EPB41L5: variants seen among roughly 807,000 people sequenced by gnomAD.
EPB41L5 encodes band 4.1-like protein 5.
In EPB41L5, 55 loss-of-function variants were observed where a neutral mutation model predicts 106.6. The observed-to-expected ratio is 0.52, with a 90% confidence interval of 0.42 to 0.65. The LOEUF is 0.65. Among genes scored for constraint, EPB41L5 ranks in the 30% least tolerant of loss-of-function variants. The pLI, the probability that EPB41L5 is intolerant of heterozygous loss-of-function variation, is 0.00. For synonymous variants in EPB41L5, 297 were observed against 306.7 expected (o/e 0.97, Z 0.33); for missense variants, 871 against 882.1 (o/e 0.99, Z 0.16).
intron 1 of EPB41L5, 143 bp from the exon 2 acceptor site, chr2:120,018,934 C>T (rs1677731142): frequency 1.4e-6 from 1 of 705,068 alleles, no homozygotes; most frequent in South Asian, 1.9e-5. Flanking sequence ...GCGTGAGTCA[C>T]TGCACCCAGC....
In EPB41L5 at chr2:120,090,209, T is replaced by C. The variant is rs988708500; in HGVS notation, c.874-138T>C. 3.6e-5 allele frequency: 21 copies of C among 577,144 alleles called. No homozygotes were observed. The African/African-American group carries it at 4.1e-4, about 11-fold the overall frequency. The allele number at this position is 577,144 out of a possible 1,614,324, so 35.8% of individuals were successfully genotyped here. A position where few individuals can be genotyped will look rare whatever the true frequency, so the allele number is the denominator to read the frequency against. On this transcript the variant is annotated intron_variant, in intron 11 of 24. Transcript: ENST00000263713. Reference sequence around the variant, plus strand: ...CTTGATTTCAGCTCTGCCCTTATTATGTTGATACTATAAAGAGTGTCTGAA... The same window carrying C: ...CTTGATTTCAGCTCTGCCCTTATTACGTTGATACTATAAAGAGTGTCTGAA...
chr2:120,168,431 A>G (rs1315846951), intron 24 of EPB41L5, among the ~76,000 whole-genome samples: 2 of 152,180 alleles, frequency 1.3e-5, no homozygotes, highest in African/African-American at 4.8e-5. Flanking sequence ...GCCTTTACCA[A>G]TACATGTTGT....
intron 2 of EPB41L5, among the ~76,000 whole-genome samples, chr2:120,027,291 A>G (rs1431235271): frequency 6.6e-6 from 1 of 152,260 alleles, no homozygotes; most frequent in Non-Finnish European, 1.5e-5. Context: ...AATAACCTGG[A>G]TGCTCATCAA....
intron 3 of EPB41L5, among the ~76,000 whole-genome samples, chr2:120,044,260 T>C (rs574237431): frequency 6.6e-4 from 100 of 152,316 alleles, no homozygotes; most frequent in Non-Finnish European, 1.1e-3. Flanking sequence ...ATATTTCTTT[T>C]ATTTTTCTTT....
chr2:120,153,770 C>T (rs139764112), intron 20 of EPB41L5, among the ~76,000 whole-genome samples: 2 of 152,082 alleles, frequency 1.3e-5, no homozygotes, highest in East Asian at 1.9e-4. Context: ...TGTCCTTTAT[C>T]TTTTGATTTG....
At chr2:120,101,068 A>C (rs1684114741) in intron 16 of EPB41L5, among the ~76,000 whole-genome samples, 1 of 152,240 alleles carries the variant, frequency 6.6e-6, no homozygotes, top group African/African-American at 2.4e-5. Flanking sequence ...CAAAACGTTA[A>C]TACATTTAAA....
intron 20 of EPB41L5, among the ~76,000 whole-genome samples, chr2:120,148,152 TTC>T (rs2105506544): frequency 6.6e-6 from 1 of 152,250 alleles, no homozygotes; most frequent in Non-Finnish European, 1.5e-5. Flanking sequence ...TCATTTTTCT[TTC>T]TTTTTTTTAC....
At position 120,175,678 on chromosome 2, in the gene EPB41L5, TGAA is replaced by T. The variant is rs1439001848; in HGVS notation, c.*774_*776del. Reference sequence around the variant, plus strand: ...ACTTATCAGTGGGGTGGGTTACTGTTGAAGAGACCCTGGGGCATTTACCTCAGG... The same window carrying T: ...ACTTATCAGTGGGGTGGGTTACTGTTGAGACCCTGGGGCATTTACCTCAGG... On this transcript the variant is annotated 3_prime_UTR_variant, in exon 25 of 25. Coordinates refer to ENST00000263713, the MANE Select transcript of EPB41L5 (RefSeq NM_020909.4). The T allele has an allele frequency of 6.6e-6, 1 of 152,036 alleles. No individual in the cohort carries two copies. Among genetic ancestry groups the T allele is most frequent in the Non-Finnish European group, 1.5e-5 (1 of 68,040 alleles). 9.4% of individuals were successfully genotyped at this position (152,036 alleles called of 1,614,324 possible). A position where few individuals can be genotyped will look rare whatever the true frequency, so the allele number is the denominator to read the frequency against.
At position 120,150,491 on chromosome 2, in the gene EPB41L5, T is replaced by TA. The variant is rs888765071; in HGVS notation, c.1793+4213dup. ...CACACACCACCCTGCCCAGCTAATT[T>TA]AAAAAAAAAAAGTTTATTTTATTTT... On this transcript the variant is annotated intron_variant, in intron 20 of 24. Coordinates refer to ENST00000263713, the MANE Select transcript of EPB41L5 (RefSeq NM_020909.4). Among the ~76,000 whole-genome samples the TA allele has an allele frequency of 4.7e-3, 694 of 146,538 alleles. 15 individuals are homozygous for TA. The highest frequency in any genetic ancestry group is 1.6e-3 in the Non-Finnish European group (105 of 66,128).
intron 3 of EPB41L5, among the ~76,000 whole-genome samples, chr2:120,065,378 C>T (rs1370582984): frequency 6.6e-6 from 1 of 151,986 alleles, no homozygotes; most frequent in African/African-American, 2.4e-5. Context: ...GCCTTAGCCT[C>T]CTGAGTAGCT....
chr2:120,118,386 G>A (rs1685049166), intron 16 of EPB41L5, among the ~76,000 whole-genome samples: 1 of 152,112 alleles, frequency 6.6e-6, no homozygotes, highest in Non-Finnish European at 1.5e-5. Context: ...AGGGGTACAT[G>A]TGCAGAACGT....
intron 16 of EPB41L5, among the ~76,000 whole-genome samples, chr2:120,123,753 G>A (rs1196967165): frequency 2.1e-5 from 3 of 144,302 alleles, no homozygotes; most frequent in Admixed American, 1.5e-4. Context: ...CACCTCCCGA[G>A]TTCAGGTGAT....
At chr2:120,134,087 G>T (rs1425221353) in intron 18 of EPB41L5, among the ~76,000 whole-genome samples, 1 of 152,074 alleles carries the variant, frequency 6.6e-6, no homozygotes, top group Non-Finnish European at 1.5e-5. Flanking sequence ...CCTTGGGTCA[G>T]TGGTTTCCAG....
rs201938207 is a variant in EPB41L5 at position 120,127,819 on chromosome 2, C to A, written c.1469C>A (p.Pro490Gln). Reference sequence around the variant, plus strand: ...GACGTTAATGTAGCCACCAGGCTTCCGGGATTAGGGGAACCTGAAGTTGAA... The same window carrying A: ...GACGTTAATGTAGCCACCAGGCTTCAGGGATTAGGGGAACCTGAAGTTGAA... ...LNDVNVATRL[P>Q]GLGEPEVEYE... The change falls in exon 17 of 25, where the codon CCG becomes CAG. Residue 490 changes from proline (P) to glutamine (Q), a missense_variant. Transcript: ENST00000263713. 20 of 1,611,430 alleles carry A rather than the reference C, an allele frequency of 1.2e-5. No individual in the cohort carries two copies. In the South Asian group the frequency reaches 2.0e-4, roughly 16 times the overall value.
intron 20 of EPB41L5, chr2:120,160,501 C>A (rs961229702): frequency 6.2e-6 from 1 of 162,146 alleles, no homozygotes; most frequent in Admixed American, 6.4e-5. Flanking sequence ...GATTTTCTTT[C>A]TTTTGGATGT....
chr2:120,074,941 G>A (rs551091962), intron 5 of EPB41L5, among the ~76,000 whole-genome samples: 1 of 152,250 alleles, frequency 6.6e-6, no homozygotes, highest in South Asian at 2.1e-4. Context: ...CAGTTCTCAT[G>A]CCTCAGCCTC....
At chr2:120,070,078 A>G (rs1439433143) in intron 3 of EPB41L5, among the ~76,000 whole-genome samples, 2 of 152,332 alleles carry the variant, frequency 1.3e-5, no homozygotes, top group Non-Finnish European at 2.9e-5. Context: ...AAATAGATAG[A>G]CCACTAGCCA....
At chr2:120,171,927 A>C (rs988454527) in intron 24 of EPB41L5, among the ~76,000 whole-genome samples, 2 of 152,218 alleles carry the variant, frequency 1.3e-5, no homozygotes, top group Non-Finnish European at 2.9e-5. Context: ...GGCAATGTAA[A>C]TAACAAAAGA....
At chr2:120,052,941 A>G (rs1231339394) in intron 3 of EPB41L5, among the ~76,000 whole-genome samples, 3 of 152,166 alleles carry the variant, frequency 2.0e-5, no homozygotes, top group African/African-American at 4.8e-5. Context: ...GTTCTCTTCT[A>G]TAGAAACCAG....
Sources: allele counts gnomAD v4.1 joint callset (sites outside exome capture counted in the v4.1 genomes callset), GRCh38; gene constraint gnomAD v4.1.1; transcripts MANE v1.5; gene names NCBI Gene and HGNC (gene_info 2026-07-23, HGNC 2026-07-21).